Variants in G3BP2 observed in about 807,000 individuals in gnomAD.
G3BP2 encodes the protein ras GTPase-activating protein-binding protein 2.
Under a neutral mutation model 56.7 loss-of-function variants are expected in G3BP2, and 11 were observed. That is an observed-to-expected ratio of 0.19 (90% CI 0.12 to 0.32). The LOEUF (loss-of-function observed/expected upper bound fraction) is 0.32. Among genes scored for constraint, G3BP2 ranks in the 10% least tolerant of loss-of-function variants. The pLI is 1.00. For missense variants in G3BP2, 340 were observed against 610.9 expected (o/e 0.56, Z 4.67); for synonymous variants, 165 against 191.6 (o/e 0.86, Z 1.15).
intron 3 of G3BP2, 107 bp downstream of exon 3, chr4:75,658,736 A>G (rs988800062): frequency 1.3e-6 from 1 of 777,070 alleles, no homozygotes; most frequent in Non-Finnish European, 2.2e-6. Flanking sequence ...TCAAAAAAAA[A>G]AGAGAAAGAA....
At chr4:75,704,519 A>T (rs946697522) in intron 3 of G3BP2, among the ~76,000 whole-genome samples, 1 of 151,774 alleles carries the variant, frequency 6.6e-6, no homozygotes, top group Admixed American at 6.6e-5. Flanking sequence ...GGGTCTCACT[A>T]TGATGCCCAG....
At chr4:75,720,973 CA>C (rs143804378) in intron 2 of G3BP2, among the ~76,000 whole-genome samples, 333 of 69,564 alleles carry the variant, frequency 4.8e-3, no homozygotes, top group East Asian at 0.018. Flanking sequence ...TTCATCTCTA[CA>C]AAAAAAAAAA....
At chr4:75,682,746 C>T (rs774311836) in intron 3 of G3BP2, among the ~76,000 whole-genome samples, 6 of 152,006 alleles carry the variant, frequency 3.9e-5, no homozygotes, top group African/African-American at 1.2e-4. Context: ...CTTTGGGAGG[C>T]CAAGGCGGGC....
At position 75,702,170 on chromosome 4, in the gene G3BP2, A is replaced by AAT. The variant is rs1441599415; in HGVS notation, c.-25+18705_-25+18706dup. 4.1e-5 allele frequency among the ~76,000 whole-genome samples: 3 copies of AAT among 72,798 alleles called. No individual in the cohort carries two copies. The East Asian group carries it at 1.8e-3, about 43-fold the overall frequency. 47.8% of individuals were successfully genotyped at this position (72,798 alleles called of 152,430 possible). ...CCTTAAGATGGTATATAAACCCCCC[A>AAT]ATTTTTTTTTTTTTTTTTTTTTTGA... On this transcript the variant is annotated intron_variant, in intron 3 of 3. Coordinates refer to the G3BP2 transcript ENST00000499709.
chr4:75,703,202 T>C (rs983622275), intron 3 of G3BP2, among the ~76,000 whole-genome samples: 3 of 152,308 alleles, frequency 2.0e-5, no homozygotes, highest in Non-Finnish European at 1.5e-5. Flanking sequence ...ACAGTTAACA[T>C]TTCTTCTTAC....
At chr4:75,655,891 A>C (rs761844296) in intron 5 of G3BP2, 21 bp from the exon 6 acceptor site, 23 of 1,190,042 alleles carry the variant, frequency 1.9e-5, no homozygotes, top group Non-Finnish European at 2.6e-5. Context: ...ATAATACAGC[A>C]CATCTTTTTT....
intron 2 of G3BP2, among the ~76,000 whole-genome samples, chr4:75,660,284 T>C (rs1732442147): frequency 2.0e-5 from 3 of 152,176 alleles, no homozygotes; most frequent in Admixed American, 1.3e-4. Context: ...CTCACATACA[T>C]TGTCATAAAA....
chr4:75,674,693 TAC>T (rs1560407660), upstream of G3BP2, among the ~76,000 whole-genome samples: 11 of 66,434 alleles, frequency 1.7e-4, no homozygotes, highest in Non-Finnish European at 3.0e-4. Flanking sequence ...TATATGTATG[TAC>T]ATATATATAT....
At chr4:75,654,858 A>C in intron 7 of G3BP2, 1 of 543,260 alleles carries the variant, frequency 1.8e-6, no homozygotes, top group Non-Finnish European at 3.2e-6. Flanking sequence ...GATTCATCTT[A>C]AGTTATAAGT....
intron 3 of G3BP2, among the ~76,000 whole-genome samples, chr4:75,683,708 G>A (rs1480688120): frequency 6.6e-6 from 1 of 152,188 alleles, no homozygotes; most frequent in Non-Finnish European, 1.5e-5. Context: ...AGTCCTGGCT[G>A]TGGAAGTAAA....
At chr4:75,699,777 G>A (rs1443575962) in intron 3 of G3BP2, among the ~76,000 whole-genome samples, 1 of 151,864 alleles carries the variant, frequency 6.6e-6, no homozygotes, top group Non-Finnish European at 1.5e-5. Flanking sequence ...TTAGGCATGA[G>A]GCTATATTAT....
chr4:75,673,808 A>C (rs930701525), upstream of G3BP2: 1 of 309,102 alleles, frequency 3.2e-6, no homozygotes, highest in Non-Finnish European at 5.7e-6. Flanking sequence ...AATCTCTCTG[A>C]ATAGGTGTCT....
intron 1 of G3BP2, chr4:75,670,464 A>T (rs1733400121): frequency 6.6e-6 from 1 of 152,202 alleles, no homozygotes; most frequent in Non-Finnish European, 1.5e-5. Flanking sequence ...TAATAAAAGT[A>T]AGTTATGGAT....
chr4:75,700,630 A>AC (rs1033013494), intron 3 of G3BP2, among the ~76,000 whole-genome samples: 8 of 149,780 alleles, frequency 5.3e-5, no homozygotes, highest in African/African-American at 2.0e-4. Flanking sequence ...CATGTTGGTC[A>AC]GGCTGGTCTC....
At chr4:75,661,861 G>A (rs1732595228) in intron 2 of G3BP2, 70 bp downstream of exon 2, 6 of 746,226 alleles carry the variant, frequency 8.0e-6, no homozygotes, top group South Asian at 8.0e-5. Flanking sequence ...GACAGGAAAT[G>A]CAAAATATAT....
rs1731073039 is a variant in G3BP2 at position 75,644,425 on chromosome 4, T to C, written c.*1005A>G. ...TTAAAGATACTGCAATTTTTATACA[T>C]TTCGATGATTTTTCAACATTTTGCA... On this transcript the variant is annotated 3_prime_UTR_variant, in exon 12 of 12. Transcript: ENST00000359707. 2 of 152,678 alleles carry C rather than the reference T, an allele frequency of 1.3e-5. No homozygotes were observed. Among genetic ancestry groups the C allele is most frequent in the Admixed American group, 1.3e-4 (2 of 15,280 alleles). 9.5% of individuals were successfully genotyped at this position (152,678 alleles called of 1,614,324 possible).
intron 3 of G3BP2, among the ~76,000 whole-genome samples, chr4:75,681,753 G>A (rs925140028): frequency 3.3e-5 from 5 of 151,200 alleles, no homozygotes; most frequent in African/African-American, 1.2e-4. Context: ...GGAGGCTGAG[G>A]CAGGAGAATG....
intron 8 of G3BP2, among the ~76,000 whole-genome samples, chr4:75,650,280 CA>C (rs1731572536): frequency 6.6e-6 from 1 of 150,546 alleles, no homozygotes. Flanking sequence ...ACTAAAAATA[CA>C]AAATCAGCCG....
At chr4:75,661,331 T>G (rs561126232) in intron 2 of G3BP2, among the ~76,000 whole-genome samples, 1 of 152,270 alleles carries the variant, frequency 6.6e-6, no homozygotes, top group African/African-American at 2.4e-5. Flanking sequence ...CTTCACCATG[T>G]TGGCCAGGCT....
Sources: allele counts gnomAD v4.1 joint callset (sites outside exome capture counted in the v4.1 genomes callset), GRCh38; gene constraint gnomAD v4.1.1; transcripts MANE v1.5; gene names NCBI Gene and HGNC (gene_info 2026-07-23, HGNC 2026-07-21).